Variants in RNF115 observed in about 807,000 individuals in gnomAD.
The protein encoded by RNF115 is ring finger protein 115, also known as E3 ubiquitin-protein ligase RNF115.
In RNF115, 31 loss-of-function variants were observed where a neutral mutation model predicts 39.2. The observed-to-expected ratio is 0.79, with a 90% confidence interval of 0.59 to 1.07. The LOEUF is 1.07. Among genes scored for constraint, RNF115 ranks in the 50% least tolerant of loss-of-function variants. The pLI is 0.00. For synonymous variants in RNF115, 124 were observed against 131.0 expected, an observed-to-expected ratio of 0.95 and a Z score of 0.37; for missense variants, 384 against 381.7, an observed-to-expected ratio of 1.01 and a Z score of -0.05.
At chr1:145,800,794 A>G (rs1419987132) in intron 1 of RNF115, among the ~76,000 whole-genome samples, 1 of 152,210 alleles carries the variant, frequency 6.6e-6, no homozygotes, top group African/African-American at 2.4e-5. Context: ...AGAGATAATA[A>G]TAAGTTATTG....
Position 145,743,032 on chromosome 1 carries a change from T to C in RNF115, c.*3834A>G, listed in dbSNP as rs1213418596. 4 of 152,196 alleles carry C rather than the reference T, an allele frequency of 2.6e-5. No individual in the cohort carries two copies. Among genetic ancestry groups the C allele is most frequent in the African/African-American group, 7.2e-5 (3 of 41,450 alleles). The allele number at this position is 152,196 out of a possible 1,614,324, so 9.4% of individuals were successfully genotyped here. On this transcript the variant is annotated 3_prime_UTR_variant, in exon 9 of 9. Coordinates refer to ENST00000582693, the MANE Select transcript of RNF115 (RefSeq NM_014455.4). ...ACATTATTAACTTGGTGAAACTTAATTGGGATGAGGAGCACTCTGTATACA... is the reference window on the plus strand; with the variant it reads ...ACATTATTAACTTGGTGAAACTTAACTGGGATGAGGAGCACTCTGTATACA...
intron 1 of RNF115, among the ~76,000 whole-genome samples, chr1:145,816,709 A>C (rs1324519164): frequency 2.0e-5 from 3 of 147,614 alleles, no homozygotes; most frequent in Non-Finnish European, 4.6e-5. Context: ...CAGCACTCAT[A>C]GATGATGGGT....
chr1:145,796,281 T>C (rs1228515629), intron 1 of RNF115, among the ~76,000 whole-genome samples: 1 of 152,292 alleles, frequency 6.6e-6, no homozygotes, highest in East Asian at 1.9e-4. Context: ...TTCCAACTAA[T>C]CAAGAGACAA....
At chr1:145,766,605 C>T (rs1356710827) in intron 4 of RNF115, among the ~76,000 whole-genome samples, 8 of 148,200 alleles carry the variant, frequency 5.4e-5, no homozygotes, top group Non-Finnish European at 7.5e-5. Context: ...CCGGACGGGG[C>T]GGCTGGCCGG....
intron 3 of RNF115, among the ~76,000 whole-genome samples, chr1:145,776,218 G>A (rs1647881598): frequency 6.8e-6 from 1 of 146,230 alleles, no homozygotes; most frequent in South Asian, 2.2e-4. Context: ...AGGCTGGAGT[G>A]CAGTGGCACC....
intron 4 of RNF115, among the ~76,000 whole-genome samples, chr1:145,759,616 G>A (rs1470219463): frequency 6.6e-6 from 1 of 152,098 alleles, no homozygotes; most frequent in Admixed American, 6.6e-5. Flanking sequence ...CCTCTTAAAT[G>A]GTTTCTCTGC....
intron 6 of RNF115, 42 bp from the exon 7 acceptor site, chr1:145,750,542 GCAATATC>G: frequency 6.7e-7 from 1 of 1,482,968 alleles, no homozygotes; most frequent in Non-Finnish European, 9.4e-7. Context: ...GGCAGACATC[GCAATATC>G]CCTGGAGAGG....
At chr1:145,765,928 AAC>A (rs1259376776) in intron 4 of RNF115, among the ~76,000 whole-genome samples, 7 of 152,228 alleles carry the variant, frequency 4.6e-5, no homozygotes, top group African/African-American at 1.4e-4. Flanking sequence ...TGGTGTGAGG[AAC>A]ACACTAATAA....
At chr1:145,790,463 G>A (rs782144413) in intron 1 of RNF115, among the ~76,000 whole-genome samples, 11 of 148,174 alleles carry the variant, frequency 7.4e-5, no homozygotes, top group Admixed American at 1.4e-4. Flanking sequence ...ACAGAGTTTC[G>A]CTCTTGCTGC....
intron 1 of RNF115, among the ~76,000 whole-genome samples, chr1:145,815,094 G>A (rs1342681860): frequency 6.6e-6 from 1 of 152,290 alleles, no homozygotes; most frequent in Non-Finnish European, 1.5e-5. Flanking sequence ...AAGTCTTTAA[G>A]AAATCTGCTT....
chr1:145,767,342 G>A (rs71528866), intron 4 of RNF115, among the ~76,000 whole-genome samples: 2 of 151,254 alleles, frequency 1.3e-5, no homozygotes, highest in Admixed American at 6.6e-5. Flanking sequence ...CAGACGGGGC[G>A]GCCGGGCAGA....
intron 4 of RNF115, among the ~76,000 whole-genome samples, chr1:145,768,522 G>T (rs1310662087): frequency 1.3e-5 from 2 of 152,090 alleles, no homozygotes; most frequent in African/African-American, 2.4e-5. Flanking sequence ...CATCATGTTG[G>T]CCAGGCTGAT....
chr1:145,773,749 C>A (rs1156614999), intron 3 of RNF115: 1 of 152,004 alleles, frequency 6.6e-6, no homozygotes, highest in African/African-American at 2.4e-5. Context: ...ACTCACTCTA[C>A]AGCTTTTCCT....
intron 2 of RNF115, 26 bp from the exon 3 acceptor site, chr1:145,784,622 A>G: frequency 1.2e-6 from 2 of 1,607,980 alleles, no homozygotes; most frequent in Non-Finnish European, 1.7e-6. Context: ...ATGAGTGGTG[A>G]TTCTATTCCC....
intron 4 of RNF115, among the ~76,000 whole-genome samples, chr1:145,766,553 A>G (rs1374669703): frequency 1.1e-4 from 17 of 150,612 alleles, no homozygotes; most frequent in Non-Finnish European, 2.1e-4. Flanking sequence ...GGGGCTCCTC[A>G]CTTCCCAGTA....
At chr1:145,814,253 C>CTT (rs1341455511) in intron 1 of RNF115, among the ~76,000 whole-genome samples, 1 of 151,850 alleles carries the variant, frequency 6.6e-6, no homozygotes, top group Non-Finnish European at 1.5e-5. Flanking sequence ...AAGTCAGACT[C>CTT]TGTCTCCAAA....
chr1:145,754,747 C>T (rs1553712952), intron 4 of RNF115, among the ~76,000 whole-genome samples: 1 of 152,232 alleles, frequency 6.6e-6, no homozygotes, highest in East Asian at 1.9e-4. Context: ...CTCTGCCCCA[C>T]AGCTCCTAGT....
intron 4 of RNF115, among the ~76,000 whole-genome samples, chr1:145,759,236 T>C (rs1658412417): frequency 6.6e-6 from 1 of 152,220 alleles, no homozygotes. Context: ...TATCCAGCTT[T>C]ATAATTTTAA....
intron 4 of RNF115, among the ~76,000 whole-genome samples, chr1:145,771,259 G>A (rs1216627045): frequency 1.3e-5 from 2 of 152,198 alleles, no homozygotes; most frequent in African/African-American, 4.8e-5. Context: ...AAAAGGATGA[G>A]TGTGGCACCT....
Sources: gnomAD v4.1 joint callset for allele counts (sites outside exome capture counted in the v4.1 genomes callset) on GRCh38, gnomAD v4.1.1 for gene constraint, MANE v1.5 for transcripts, NCBI Gene and HGNC (gene_info 2026-07-23, HGNC 2026-07-21) for gene names.